The following SH3BP5 variants were observed in gnomAD, a reference collection of about 807,000 sequenced individuals.
The protein encoded by SH3BP5 is SH3 domain binding protein 5.
In SH3BP5, 22 loss-of-function variants were observed where a neutral mutation model predicts 43.3. That is an observed-to-expected ratio of 0.51 (90% CI 0.36 to 0.73). The LOEUF (loss-of-function observed/expected upper bound fraction) is 0.73. Among genes scored for constraint, SH3BP5 ranks in the 30% least tolerant of loss-of-function variants. The pLI, the probability that SH3BP5 is intolerant of heterozygous loss-of-function variation, is 0.00. For synonymous variants in SH3BP5, 255 were observed against 225.8 expected, an observed-to-expected ratio of 1.13 and a Z score of -1.16; for missense variants, 529 against 586.9, an observed-to-expected ratio of 0.90 and a Z score of 1.02.
intron 1 of SH3BP5, 41 bp from the exon 2 acceptor site, chr3:15,330,607 C>T (rs1020740164): frequency 2.0e-6 from 3 of 1,504,524 alleles, no homozygotes; most frequent in Admixed American, 2.2e-5. Context: ...TTAAGGGATC[C>T]GTCTTTTGTT....
chr3:15,258,575 T>TCC, intron 7 of SH3BP5: 1 of 524,450 alleles, frequency 1.9e-6, no homozygotes, highest in Non-Finnish European at 3.4e-6. Flanking sequence ...TTCAAATGTA[T>TCC]ACTTTGACTC....
chr3:15,281,394 C>G (rs1697125451), intron 3 of SH3BP5, among the ~76,000 whole-genome samples: 1 of 152,126 alleles, frequency 6.6e-6, no homozygotes, highest in Non-Finnish European at 1.5e-5. Flanking sequence ...AGAGTATATC[C>G]CTGGCACCAA....
intron 4 of SH3BP5, among the ~76,000 whole-genome samples, chr3:15,263,050 G>A (rs1444893745): frequency 1.3e-5 from 2 of 152,190 alleles, no homozygotes; most frequent in Non-Finnish European, 2.9e-5. Context: ...CCCAACAGTG[G>A]TTTTCTTTTC....
At chr3:15,270,703 A>T (rs1696772414) in intron 3 of SH3BP5, among the ~76,000 whole-genome samples, 1 of 152,122 alleles carries the variant, frequency 6.6e-6, no homozygotes, top group Non-Finnish European at 1.5e-5. Flanking sequence ...AGGCAGGCGG[A>T]TCACTTGAGG....
upstream of SH3BP5, among the ~76,000 whole-genome samples, chr3:15,335,606 A>C (rs1381983594): frequency 7.3e-6 from 1 of 136,068 alleles, no homozygotes; most frequent in Non-Finnish European, 1.6e-5. Context: ...AAATAAATTA[A>C]ATAAAGTATA....
At chr3:15,259,126 T>G in intron 6 of SH3BP5, 76 bp from the exon 7 acceptor site, 1 of 1,177,886 alleles carries the variant, frequency 8.5e-7, no homozygotes, top group Non-Finnish European at 1.2e-6. Context: ...CAGGTTCAAG[T>G]ACATTTTCTG....
intron 2 of SH3BP5, among the ~76,000 whole-genome samples, chr3:15,308,206 C>T (rs1218510262): frequency 6.6e-6 from 1 of 152,160 alleles, no homozygotes; most frequent in African/African-American, 2.4e-5. Context: ...ATACAACCCA[C>T]CAACGCTGCC....
chr3:15,302,911 C>T (rs750292134), intron 3 of SH3BP5, among the ~76,000 whole-genome samples: 4 of 151,664 alleles, frequency 2.6e-5, no homozygotes, highest in East Asian at 1.9e-4. Flanking sequence ...CAGGTTCAAG[C>T]GATTCTCATG....
At chr3:15,265,674 A>C (rs1343774094) in intron 4 of SH3BP5, among the ~76,000 whole-genome samples, 1 of 151,916 alleles carries the variant, frequency 6.6e-6, no homozygotes, top group Non-Finnish European at 1.5e-5. Flanking sequence ...GAGCTCCTCT[A>C]TCTACAGCCT....
At chr3:15,332,671 G>GC, upstream of SH3BP5, 1 of 1,145,108 alleles carries the variant, frequency 8.7e-7, no homozygotes, top group Non-Finnish European at 1.1e-6. Context: ...CTCGCGTTCC[G>GC]CCGCCAGTCC....
At chr3:15,338,642 A>C (rs1698729368) in intron 1 of SH3BP5, among the ~76,000 whole-genome samples, 3 of 152,142 alleles carry the variant, frequency 2.0e-5, no homozygotes, top group Admixed American at 2.0e-4. Flanking sequence ...GGAGGCTTGC[A>C]GCAGTGTGGG....
At chr3:15,318,283 T>C (rs1466594681) in intron 2 of SH3BP5, among the ~76,000 whole-genome samples, 1 of 152,200 alleles carries the variant, frequency 6.6e-6, no homozygotes, top group Non-Finnish European at 1.5e-5. Flanking sequence ...GTTGGACATA[T>C]ATGCCAGGTA....
upstream of SH3BP5, among the ~76,000 whole-genome samples, chr3:15,335,160 C>G (rs759810247): frequency 2.6e-5 from 4 of 151,756 alleles, no homozygotes; most frequent in African/African-American, 9.7e-5. Context: ...TTTGGGAGGC[C>G]GAGGCAGGTG....
intron 2 of SH3BP5, among the ~76,000 whole-genome samples, chr3:15,317,145 G>A (rs1461517089): frequency 1.3e-5 from 2 of 152,202 alleles, no homozygotes; most frequent in Non-Finnish European, 2.9e-5. Context: ...CACCACTGAT[G>A]TGCATGTTTA....
chr3:15,301,764 A>C (rs913689038), intron 3 of SH3BP5, among the ~76,000 whole-genome samples: 8 of 152,134 alleles, frequency 5.3e-5, no homozygotes, highest in African/African-American at 1.9e-4. Flanking sequence ...GTTTCACATC[A>C]GCACAGCCAA....
chr3:15,321,435 CCAAT>C (rs1393450125), intron 2 of SH3BP5, among the ~76,000 whole-genome samples: 1 of 152,092 alleles, frequency 6.6e-6, no homozygotes, highest in African/African-American at 2.4e-5. Context: ...GCAGGAACAA[CCAAT>C]CCAAGGTTTT....
chr3:15,307,451 C>T (rs1451361368), intron 2 of SH3BP5, among the ~76,000 whole-genome samples: 1 of 152,218 alleles, frequency 6.6e-6, no homozygotes, highest in Non-Finnish European at 1.5e-5. Flanking sequence ...GCTCTTTCTG[C>T]AAGGCCCTAA....
intron 3 of SH3BP5, among the ~76,000 whole-genome samples, chr3:15,301,158 G>A (rs1255282930): frequency 6.6e-6 from 1 of 152,122 alleles, no homozygotes; most frequent in Non-Finnish European, 1.5e-5. Flanking sequence ...CAGCCAGCTG[G>A]GGACCCAACT....
At chr3:15,306,947 A>G (rs1697926680) in intron 2 of SH3BP5, among the ~76,000 whole-genome samples, 1 of 152,264 alleles carries the variant, frequency 6.6e-6, no homozygotes, top group African/African-American at 2.4e-5. Flanking sequence ...CGCTGGGATT[A>G]CAGGTGTGAG....
Sources: allele counts gnomAD v4.1 joint callset (sites outside exome capture counted in the v4.1 genomes callset), GRCh38; gene constraint gnomAD v4.1.1; transcripts MANE v1.5; gene names NCBI Gene and HGNC (gene_info 2026-07-23, HGNC 2026-07-21).